Variants in TNPO2 observed in about 807,000 individuals in gnomAD.
The protein encoded by TNPO2 is transportin-2.
TNPO2 carries 16 observed loss-of-function variants against 111.1 expected under a neutral mutation model. That is an observed-to-expected ratio of 0.14 (90% CI 0.10 to 0.22). The LOEUF (loss-of-function observed/expected upper bound fraction) is 0.22. TNPO2 is among the 10% of genes least tolerant of loss of function. The pLI, the probability that TNPO2 is intolerant of heterozygous loss-of-function variation, is 1.00. For synonymous variants in TNPO2, 481 were observed against 475.8 expected, an observed-to-expected ratio of 1.01 and a Z score of -0.14; for missense variants, 530 against 1,173.7, an observed-to-expected ratio of 0.45 and a Z score of 8.01.
At chr19:12,720,848 C>A (rs760066811) in intron 3 of TNPO2, 31 bp downstream of exon 3, 1 of 1,560,994 alleles carries the variant, frequency 6.4e-7, no homozygotes, top group Non-Finnish European at 8.7e-7. Context: ...ATCTACCCGG[C>A]TCCCCCAGCC....
chr19:12,711,044 G>C (rs2026010946), intron 12 of TNPO2, among the ~76,000 whole-genome samples: 1 of 152,102 alleles, frequency 6.6e-6, no homozygotes, highest in Admixed American at 6.5e-5. Context: ...ACAGGCGCCC[G>C]ACACCACGCC....
intron 5 of TNPO2, among the ~76,000 whole-genome samples, 164 bp downstream of exon 5, chr19:12,718,865 G>C (rs2026513348): frequency 6.6e-6 from 1 of 152,128 alleles, no homozygotes; most frequent in South Asian, 2.1e-4. Flanking sequence ...ACCCAGACAG[G>C]TCCCTTAATA....
chr19:12,714,769 C>A, intron 10 of TNPO2, 52 bp downstream of exon 10: 1 of 1,426,450 alleles, frequency 7.0e-7, no homozygotes, highest in Non-Finnish European at 9.9e-7. Flanking sequence ...AAGGCAGAGG[C>A]ATAGCAAGGG....
chr19:12,714,970 C>A lies in TNPO2; in HGVS notation c.772-31G>T, dbSNP rs760439665. 2.5e-6 allele frequency: 4 copies of A among 1,601,080 alleles called. No homozygotes were observed. The South Asian group carries it at 4.4e-5, about 18-fold the overall frequency. On this transcript the variant is annotated intron_variant, in intron 9 of 25. Transcript: ENST00000425528. ...GTAGGGGGGAGAAGCTGAGGCCTGG[C>A]CTGGCTGGGGGTGGCTCCCTGACCC...
At chr19:12,712,455 G>T (rs2026120115) in intron 10 of TNPO2, among the ~76,000 whole-genome samples, 1 of 152,224 alleles carries the variant, frequency 6.6e-6, no homozygotes, top group South Asian at 2.1e-4. Flanking sequence ...TCCCTGAGAT[G>T]CTGTGCTTCA....
chr19:12,709,649 T>G (rs2025923664), intron 13 of TNPO2, among the ~76,000 whole-genome samples: 1 of 150,970 alleles, frequency 6.6e-6, no homozygotes, highest in Non-Finnish European at 1.5e-5. Context: ...CAGGTTTTTT[T>G]TTTTTTTTTT....
intron 10 of TNPO2, among the ~76,000 whole-genome samples, chr19:12,713,921 T>G (rs1432851660): frequency 6.6e-6 from 1 of 151,984 alleles, no homozygotes; most frequent in Non-Finnish European, 1.5e-5. Flanking sequence ...TCCCAGCTAC[T>G]TGGGAGGCTG....
chr19:12,721,630 T>C lies in TNPO2; in HGVS notation c.-13-640A>G, dbSNP rs1568340717. 1 of 271,948 alleles carries C rather than the reference T, an allele frequency of 3.7e-6. No individual in the cohort carries two copies. The highest frequency in any genetic ancestry group is 7.2e-6 in the Non-Finnish European group (1 of 138,056). The allele number at this position is 271,948 out of a possible 1,614,324, so 16.8% of individuals were successfully genotyped here. ...ATCCCCCTCTGTGGCCTAGCCAAATTCTAAGGATTCCCCTTAATCAGGCCC... is the reference window on the plus strand; with the variant it reads ...ATCCCCCTCTGTGGCCTAGCCAAATCCTAAGGATTCCCCTTAATCAGGCCC... On this transcript the variant is annotated intron_variant, in intron 2 of 25. Coordinates refer to ENST00000425528, the MANE Select transcript of TNPO2 (RefSeq NM_001382241.1). This position sits in a 1 kb window ranked among gnomAD's most constrained non-coding sequence, Gnocchi z 4.9.
chr19:12,701,741 G>A lies in TNPO2; in HGVS notation c.2511+11C>T. On this transcript the variant is annotated intron_variant, in intron 23 of 25. Coordinates refer to ENST00000425528, the MANE Select transcript of TNPO2 (RefSeq NM_001382241.1). This position sits in a 1 kb window ranked among gnomAD's most constrained non-coding sequence, Gnocchi z 5.0. The stretch of plus-strand genomic sequence containing the variant: ...CGCCCGCGCCTGCCCTCAGAGCCCA[G>A]CTGCCCCAACCTGCACAACGCCCCC... The A allele has an allele frequency of 6.2e-7, 1 of 1,613,594 alleles. No individual in the cohort carries two copies. Among genetic ancestry groups the A allele is most frequent in the Non-Finnish European group, 8.5e-7 (1 of 1,179,644 alleles).
In TNPO2 at chr19:12,719,155, C is replaced by T; in HGVS notation, c.199G>A (p.Gly67Ser). 2 of 1,613,936 alleles carry T rather than the reference C, an allele frequency of 1.2e-6. No homozygotes were observed. The highest frequency in any genetic ancestry group is 1.7e-6 in the Non-Finnish European group (2 of 1,179,884). The change falls in exon 5 of 26, where the codon GGC becomes AGC. Residue 67 changes from glycine (G) to serine (S), a missense_variant. Around this residue, in one of 4 missense-constraint regions of TNPO2, gnomAD observed 156 missense variants for 405.8 expected, o/e 0.38. Coordinates refer to ENST00000425528, the MANE Select transcript of TNPO2 (RefSeq NM_001382241.1). This position sits in a 1 kb window ranked among gnomAD's most constrained non-coding sequence, Gnocchi z 5.0. The part of the protein sequence containing the change: ...SEDEPTRSLS[G>S]LILKNNVKAH... ...TTCACGTTGTTCTTGAGGATGAGGC[C>T]ACTGAGAGAGCGCGTTGGCTCATCT...
intron 13 of TNPO2, among the ~76,000 whole-genome samples, 181 bp downstream of exon 13, chr19:12,710,440 A>T (rs2025972129): frequency 6.6e-6 from 1 of 152,198 alleles, no homozygotes; most frequent in African/African-American, 2.4e-5. Context: ...GAGGCCTTGC[A>T]CTGTGGGGCT....
At position 12,719,929 on chromosome 19, in the gene TNPO2, G is replaced by C. The variant is rs995102356; in HGVS notation, c.100-593C>G. Among the ~76,000 whole-genome samples, 1 of 151,132 alleles carries C rather than the reference G, an allele frequency of 6.6e-6. No individual in the cohort carries two copies. The highest frequency in any genetic ancestry group is 1.5e-5 in the Non-Finnish European group (1 of 67,946). ...CTTAAAGTGGCAGCTACTAGTCAGC[G>C]ATCCCCACTAACAGGCCATGAAGAC... is the stretch of plus-strand genomic sequence containing the variant. On this transcript the variant is annotated intron_variant, in intron 3 of 25. Transcript: ENST00000425528. This position sits in a 1 kb window ranked among gnomAD's most constrained non-coding sequence, Gnocchi z 5.0.
chr19:12,714,679 A>G (rs918111729), intron 10 of TNPO2, 142 bp downstream of exon 10: 2 of 673,924 alleles, frequency 3.0e-6, no homozygotes, highest in Admixed American at 3.2e-5. Context: ...TGGCATTCTT[A>G]CCACTTACAC....
At chr19:12,712,949 G>A (rs948759319) in intron 10 of TNPO2, among the ~76,000 whole-genome samples, 8 of 152,122 alleles carry the variant, frequency 5.3e-5, no homozygotes, top group African/African-American at 1.2e-4. Context: ...GCACTGGTGC[G>A]ATCACAGCTC....
At position 12,715,447 on chromosome 19, in the gene TNPO2, G is replaced by C; in HGVS notation, c.524C>G (p.Pro175Arg). The C allele has an allele frequency of 6.2e-7, 1 of 1,613,892 alleles. No individual in the cohort carries two copies. The part of the protein sequence containing the change: ...ALNRPLNIMI[P>R]KFLQFFKHCS... Reference sequence around the variant, plus strand: ...GTGCTTGAAGAACTGCAGGAACTTGGGGATCATGATGTTGAGGGGCCTGTT... The same window carrying C: ...GTGCTTGAAGAACTGCAGGAACTTGCGGATCATGATGTTGAGGGGCCTGTT... Residue 175 changes from proline to arginine, a missense_variant, in exon 7 of 26, where the codon CCC becomes CGC. Physicochemically the swap from Pro to Arg is moderately radical, Grantham distance 103. Around this residue, in one of 4 missense-constraint regions of TNPO2, gnomAD observed 156 missense variants for 405.8 expected, o/e 0.38. Transcript: ENST00000425528. The surrounding 1 kb of genome is among the most constrained non-coding windows in gnomAD (Gnocchi z 7.1).
Position 12,701,036 on chromosome 19 carries a change from C to A in TNPO2, c.*228G>T, listed in dbSNP as rs1021715942. 4 of 320,974 alleles carry A rather than the reference C, an allele frequency of 1.2e-5. No homozygotes were observed. Among genetic ancestry groups the A allele is most frequent in the African/African-American group, 2.1e-5 (1 of 46,760 alleles). 19.9% of individuals were successfully genotyped at this position (320,974 alleles called of 1,614,324 possible). A position where few individuals can be genotyped will look rare whatever the true frequency, so the allele number is the denominator to read the frequency against. ...GCCCTTGCCCACCAGAAGTCCCCCC[C>A]ACCTCCCCGTTTGTAGGATGAGCAT... is the stretch of plus-strand genomic sequence containing the variant. On this transcript the variant is annotated 3_prime_UTR_variant, in exon 26 of 26. Transcript: ENST00000425528. This position sits in a 1 kb window ranked among gnomAD's most constrained non-coding sequence, Gnocchi z 5.0.
In TNPO2 at chr19:12,702,059, C is replaced by T. The variant is rs1385101533; in HGVS notation, c.2411+13G>A. The T allele has an allele frequency of 5.0e-6, 8 of 1,612,174 alleles. No homozygotes were observed. Among genetic ancestry groups the T allele is most frequent in the Admixed American group, 1.7e-5 (1 of 60,008 alleles). On this transcript the variant is annotated intron_variant, in intron 22 of 25. Transcript: ENST00000425528. This position sits in a 1 kb window ranked among gnomAD's most constrained non-coding sequence, Gnocchi z 5.5. ...CGCCCACCACACAGCAGGCTTGACA[C>T]GTGGACACACACCAAGGCCGGATGA... is the stretch of plus-strand genomic sequence containing the variant.
Position 12,702,614 on chromosome 19 carries a change from T to A in TNPO2, c.2305+209A>T, listed in dbSNP as rs1302584259. Among the ~76,000 whole-genome samples the A allele has an allele frequency of 6.6e-6, 1 of 152,070 alleles. No homozygotes were observed. The highest frequency in any genetic ancestry group is 1.5e-5 in the Non-Finnish European group (1 of 67,988). ...AACTCCTGACTTCAGGTGATCTGCC[T>A]CCCAAAGTGCTGAGATTACAGGCAT... is the stretch of plus-strand genomic sequence containing the variant. On this transcript the variant is annotated intron_variant, in intron 21 of 25. Coordinates refer to ENST00000425528, the MANE Select transcript of TNPO2 (RefSeq NM_001382241.1). The surrounding 1 kb of genome is among the most constrained non-coding windows in gnomAD (Gnocchi z 5.5).
chr19:12,715,467 C>T lies in TNPO2; in HGVS notation c.504G>A (p.Arg168=), dbSNP rs1033879632. 9.3e-6 allele frequency: 15 copies of T among 1,613,756 alleles called. No individual in the cohort carries two copies. In the African/African-American group the frequency reaches 1.6e-4, roughly 17 times the overall value. ...SELLDSDALN[R]PLNIMIPKFL... is the part of the protein sequence containing the mutation. ...ACTTGGGGATCATGATGTTGAGGGG[C>T]CTGTTGAGGGCGTCACTGTCCAGAA... is the stretch of plus-strand genomic sequence containing the variant. The change falls in exon 7 of 26, where the codon AGG becomes AGA. Residue 168 remains arginine, a synonymous_variant. Coordinates refer to ENST00000425528, the MANE Select transcript of TNPO2 (RefSeq NM_001382241.1). This position sits in a 1 kb window ranked among gnomAD's most constrained non-coding sequence, Gnocchi z 7.1.
Sources: gnomAD v4.1 joint callset for allele counts (sites outside exome capture counted in the v4.1 genomes callset) on GRCh38, gnomAD v4.1.1 for gene constraint, gnomAD v4.1.1 regional missense constraint, Gnocchi (gnomAD v3.1) non-coding constraint, MANE v1.5 for transcripts, NCBI Gene and HGNC (gene_info 2026-07-23, HGNC 2026-07-21) for gene names.